Variants in ANKRD13D observed in about 807,000 individuals in gnomAD.
ANKRD13D encodes the protein ankyrin repeat domain-containing protein 13D.
ANKRD13D carries 24 observed loss-of-function variants against 68.8 expected under a neutral mutation model. That is an observed-to-expected ratio of 0.35 (90% CI 0.25 to 0.49). The LOEUF (loss-of-function observed/expected upper bound fraction) is 0.49, where lower values mean the gene tolerates loss of function less well. Among genes scored for constraint, ANKRD13D ranks in the 20% least tolerant of loss-of-function variants. The probability of loss-of-function intolerance (pLI) is 0.99; values close to 1 mark genes in which losing one functional copy is unlikely to be tolerated. For missense variants in ANKRD13D, 735 were observed against 832.1 expected, an observed-to-expected ratio of 0.88 and a Z score of 1.44; for synonymous variants, 331 against 336.1, an observed-to-expected ratio of 0.98 and a Z score of 0.16.
chr11:67,299,681 G>A lies in ANKRD13D; in HGVS notation c.880+70G>A. 3 of 1,533,844 alleles carry A rather than the reference G, an allele frequency of 2.0e-6. No individual in the cohort carries two copies. The South Asian group carries it at 3.6e-5, about 18-fold the overall frequency. On this transcript the variant is annotated intron_variant, in intron 8 of 14. Transcript: ENST00000511455. The surrounding 1 kb of genome is among the most constrained non-coding windows in gnomAD (Gnocchi z 6.2). ...TGGGGTCACCCTGGCCTGGGATTAGGGGCCAGAGTTTCCCAGGATGAGCTG... is the reference window on the plus strand; with the variant it reads ...TGGGGTCACCCTGGCCTGGGATTAGAGGCCAGAGTTTCCCAGGATGAGCTG...
At position 67,299,232 on chromosome 11, in the gene ANKRD13D, C is replaced by T. The variant is rs1860878946; in HGVS notation, c.798+108C>T. ...GCCCCTGGGCTCTGGAAACCCTGAG[C>T]ATTTGTGGGAACTCAGCGGGCCTGA... On this transcript the variant is annotated intron_variant, in intron 7 of 14. Transcript: ENST00000511455. This position sits in a 1 kb window ranked among gnomAD's most constrained non-coding sequence, Gnocchi z 6.2. The T allele has an allele frequency of 2.8e-6, 4 of 1,407,790 alleles. No individual in the cohort carries two copies. The highest frequency in any genetic ancestry group is 4.0e-6 in the Non-Finnish European group (4 of 1,006,708). 87.2% of individuals were successfully genotyped at this position (1,407,790 alleles called of 1,614,324 possible).
chr11:67,301,438 T>A lies in ANKRD13D; in HGVS notation c.1348+40T>A. 6.2e-7 allele frequency: 1 copy of A among 1,607,590 alleles called. No individual in the cohort carries two copies. The highest frequency in any genetic ancestry group is 8.5e-7 in the Non-Finnish European group (1 of 1,176,302). ...GGAAGAGGGAGCCTGCACAGCTTTC[T>A]GGTCACCAAGCCCCGCGGGTTGAGC... is the stretch of plus-strand genomic sequence containing the variant. On this transcript the variant is annotated intron_variant, in intron 12 of 14. Coordinates refer to ENST00000511455, the MANE Select transcript of ANKRD13D (RefSeq NM_207354.3). This position sits in a 1 kb window ranked among gnomAD's most constrained non-coding sequence, Gnocchi z 4.5.
intron 6 of ANKRD13D, among the ~76,000 whole-genome samples, chr11:67,293,345 A>C (rs1860652257): frequency 6.6e-6 from 1 of 152,230 alleles, no homozygotes; most frequent in Admixed American, 6.5e-5. Context: ...GAATCTAGCC[A>C]GCCTAGTGGG....
At position 67,290,338 on chromosome 11, in the gene ANKRD13D, C is replaced by G. The variant is rs1034481580; in HGVS notation, c.243C>G (p.Val81=). 20 of 1,558,506 alleles carry G rather than the reference C, an allele frequency of 1.3e-5. No individual in the cohort carries two copies. In the Admixed American group the frequency reaches 2.3e-4, roughly 18 times the overall value. Reference sequence around the variant, plus strand: ...TGCCCGCAGTCCTGCAGGAGGCAGTCAGCACTGGAGACCCCGAGATGGTGC... The same window carrying G: ...TGCCCGCAGTCCTGCAGGAGGCAGTGAGCACTGGAGACCCCGAGATGGTGC... ...RQGWAVLQEA[V]STGDPEMVQL... is the part of the protein sequence containing the mutation. The change falls in exon 3 of 15, where the codon GTC becomes GTG. Residue 81 remains valine, a synonymous_variant. Transcript: ENST00000511455.
At position 67,299,672 on chromosome 11, in the gene ANKRD13D, T is replaced by G; in HGVS notation, c.880+61T>G. ...ACCGTGTGGTGGGGTCACCCTGGCCTGGGATTAGGGGCCAGAGTTTCCCAG... is the reference window on the plus strand; with the variant it reads ...ACCGTGTGGTGGGGTCACCCTGGCCGGGGATTAGGGGCCAGAGTTTCCCAG... On this transcript the variant is annotated intron_variant, in intron 8 of 14. Transcript: ENST00000511455. This position sits in a 1 kb window ranked among gnomAD's most constrained non-coding sequence, Gnocchi z 6.2. The G allele has an allele frequency of 1.9e-6, 3 of 1,540,358 alleles. No homozygotes were observed. The Middle Eastern group carries it at 6.4e-4, about 330-fold the overall frequency.
intron 6 of ANKRD13D, among the ~76,000 whole-genome samples, chr11:67,294,844 A>G (rs898184184): frequency 1.3e-5 from 2 of 152,192 alleles, no homozygotes; most frequent in Non-Finnish European, 2.9e-5. Flanking sequence ...ACAATTATGA[A>G]TCAAATGTTT....
chr11:67,290,529 GC>G, intron 3 of ANKRD13D, 83 bp downstream of exon 3: 3 of 1,485,634 alleles, frequency 2.0e-6, no homozygotes, highest in Non-Finnish European at 2.7e-6. Context: ...CCTTGGAAAG[GC>G]ACCCAGTTTG....
intron 5 of ANKRD13D, 58 bp downstream of exon 5, chr11:67,291,804 G>A (rs1565075973): frequency 6.3e-7 from 1 of 1,595,600 alleles, no homozygotes; most frequent in Non-Finnish European, 8.5e-7. Context: ...TGCGGCTTGG[G>A]AGGACGGTGC....
Position 67,300,293 on chromosome 11 carries a change from A to T in ANKRD13D, c.1073+170A>T. 1.1e-6 allele frequency: 1 copy of T among 930,980 alleles called. No individual in the cohort carries two copies. The highest frequency in any genetic ancestry group is 1.5e-6 in the Non-Finnish European group (1 of 645,894). 57.7% of individuals were successfully genotyped at this position (930,980 alleles called of 1,614,324 possible). A position where few individuals can be genotyped will look rare whatever the true frequency, so the allele number is the denominator to read the frequency against. The stretch of plus-strand genomic sequence containing the variant: ...TTATCCATGGTCCTCAGCCCTTAGC[A>T]AGGGGCTTGGCACAGAAAACCGGTA... On this transcript the variant is annotated intron_variant, in intron 10 of 14. Coordinates refer to ENST00000511455, the MANE Select transcript of ANKRD13D (RefSeq NM_207354.3). This position sits in a 1 kb window ranked among gnomAD's most constrained non-coding sequence, Gnocchi z 4.3.
At chr11:67,298,894 C>G (rs568559913) in intron 6 of ANKRD13D, 164 bp from the exon 7 acceptor site, 3 of 689,610 alleles carry the variant, frequency 4.4e-6, no homozygotes, top group South Asian at 1.6e-5. Context: ...AGTGTCCCCC[C>G]CTGTCCAGGC....
intron 1 of ANKRD13D, 121 bp from the exon 2 acceptor site, chr11:67,289,957 A>C: frequency 6.9e-7 from 1 of 1,441,364 alleles, no homozygotes; most frequent in Non-Finnish European, 9.1e-7. Context: ...ACCCTCTGCC[A>C]TCTCCCTGGT....
intron 1 of ANKRD13D, chr11:67,289,771 C>T: frequency 7.0e-7 from 1 of 1,418,796 alleles, no homozygotes; most frequent in East Asian, 2.6e-5. Flanking sequence ...CGCCCGAACT[C>T]GCTTCCGCAT....
chr11:67,298,953 A>T, intron 6 of ANKRD13D, 105 bp from the exon 7 acceptor site: 1 of 1,186,540 alleles, frequency 8.4e-7, no homozygotes, highest in Non-Finnish European at 1.3e-6. Flanking sequence ...GGGCCCTGAG[A>T]GTTGGGCACC....
rs138461637 is a variant in ANKRD13D at position 67,292,025 on chromosome 11, C to T, written c.576C>T (p.Asp192=). Residue 192 remains aspartate, a synonymous_variant, in exon 6 of 15, where the codon GAC becomes GAT. Transcript: ENST00000511455. Reference sequence around the variant, plus strand: ...CCCTGGTGATGGAAGTGGACCATGACCGGCAGGTGGTGCATGTGGAGACAC... The same window carrying T: ...CCCTGGTGATGGAAGTGGACCATGATCGGCAGGTGGTGCATGTGGAGACAC... The part of the protein sequence containing the change: ...AGALVMEVDH[D]RQVVHVETLG... 4.6e-4 allele frequency: 739 copies of T among 1,592,266 alleles called. No homozygotes were observed. Among genetic ancestry groups the T allele is most frequent in the Non-Finnish European group, 6.0e-4 (696 of 1,164,624 alleles).
chr11:67,295,309 C>G (rs772874123), intron 6 of ANKRD13D, among the ~76,000 whole-genome samples: 4 of 151,738 alleles, frequency 2.6e-5, no homozygotes, highest in Non-Finnish European at 5.9e-5. Context: ...CCCAGCTACT[C>G]AGGAGGCTGA....
Position 67,302,103 on chromosome 11 carries a change from C to A in ANKRD13D, c.1605-16C>A. 6.5e-7 allele frequency: 1 copy of A among 1,541,040 alleles called. No individual in the cohort carries two copies. Among genetic ancestry groups the A allele is most frequent in the East Asian group, 2.4e-5 (1 of 41,704 alleles). ...GCTCACTGGCCTGTTCTTCCCTCCC[C>A]TGCCCTGCCTGGAAGGGCCCTCCAG... On this transcript the variant is annotated splice_polypyrimidine_tract_variant and intron_variant, in intron 14 of 14. Transcript: ENST00000511455.
Position 67,300,212 on chromosome 11 carries a change from C to A in ANKRD13D, c.1073+89C>A. The A allele has an allele frequency of 1.3e-6, 2 of 1,556,684 alleles. No individual in the cohort carries two copies. On this transcript the variant is annotated intron_variant, in intron 10 of 14. Coordinates refer to ENST00000511455, the MANE Select transcript of ANKRD13D (RefSeq NM_207354.3). This position sits in a 1 kb window ranked among gnomAD's most constrained non-coding sequence, Gnocchi z 4.3. The stretch of plus-strand genomic sequence containing the variant: ...GGCCTGTCATAGTTAGGGACCCACT[C>A]CCTCGGCTGGCTTCTCTCTGGACTC...
Position 67,301,420 on chromosome 11 carries a change from G to A in ANKRD13D, c.1348+22G>A, listed in dbSNP as rs764892198. On this transcript the variant is annotated intron_variant, in intron 12 of 14. Coordinates refer to ENST00000511455, the MANE Select transcript of ANKRD13D (RefSeq NM_207354.3). The surrounding 1 kb of genome is among the most constrained non-coding windows in gnomAD (Gnocchi z 4.5). ...TCAGGTACCCCAACGGGAGGAAGAG[G>A]GAGCCTGCACAGCTTTCTGGTCACC... is the stretch of plus-strand genomic sequence containing the variant. The A allele has an allele frequency of 1.2e-6, 2 of 1,608,632 alleles. No individual in the cohort carries two copies. Among genetic ancestry groups the A allele is most frequent in the Non-Finnish European group, 1.7e-6 (2 of 1,177,242 alleles).
rs750731875 is a variant in ANKRD13D, at chr11:67,292,096, G to T, written c.647G>T (p.Arg216Leu). ...QEPETLLAAM[R>L]PSEEHVASRL... ...CCCGAAACACTGCTGGCCGCCATGC[G>T]GCCCAGCGAGGAGCATGTGGCCAGT... is the stretch of plus-strand genomic sequence containing the variant. Residue 216 changes from arginine to leucine, a missense_variant, in exon 6 of 15, where the codon CGG becomes CTG. By Grantham distance (102) the Arg-to-Leu change is moderately radical. Coordinates refer to ENST00000511455, the MANE Select transcript of ANKRD13D (RefSeq NM_207354.3). 2.5e-6 allele frequency: 4 copies of T among 1,612,486 alleles called. No homozygotes were observed. In the South Asian group the frequency reaches 3.3e-5, roughly 13 times the overall value.
Sources: allele counts gnomAD v4.1 joint callset (sites outside exome capture counted in the v4.1 genomes callset), GRCh38; gene constraint gnomAD v4.1.1; non-coding constraint Gnocchi (gnomAD v3.1); transcripts MANE v1.5; gene names NCBI Gene and HGNC (gene_info 2026-07-23, HGNC 2026-07-21).